The following SH3GL3 variants were observed in gnomAD, a reference collection of about 807,000 sequenced individuals.
SH3GL3 encodes endophilin-A3.
In SH3GL3, 33 loss-of-function variants were observed where a neutral mutation model predicts 47.7. The ratio of observed to expected loss-of-function variants is 0.69; its 90% CI spans 0.52 to 0.92. The LOEUF (loss-of-function observed/expected upper bound fraction) is 0.92. Among genes scored for constraint, SH3GL3 ranks in the 40% least tolerant of loss-of-function variants. The pLI is 0.00. For missense variants in SH3GL3, 363 were observed against 417.8 expected, an observed-to-expected ratio of 0.87 and a Z score of 1.14; for synonymous variants, 155 against 148.8, an observed-to-expected ratio of 1.04 and a Z score of -0.30.
downstream of SH3GL3, among the ~76,000 whole-genome samples, chr15:83,620,012 C>A (rs1004198713): frequency 1.3e-5 from 2 of 149,846 alleles, no homozygotes; most frequent in Non-Finnish European, 2.9e-5. Flanking sequence ...AGCATCTTCA[C>A]CAAGAGTAGA....
chr15:83,558,690 C>T (rs1309929694), intron 1 of SH3GL3, among the ~76,000 whole-genome samples: 4 of 152,118 alleles, frequency 2.6e-5, no homozygotes, highest in East Asian at 3.8e-4. Context: ...TTTTCCATGC[C>T]TCATCCCAGA....
intron 5 of SH3GL3, among the ~76,000 whole-genome samples, chr15:83,573,794 T>A (rs571823154): frequency 6.6e-6 from 1 of 152,356 alleles, no homozygotes; most frequent in South Asian, 2.1e-4. Context: ...GTGTATAGCC[T>A]GCTCTGCCCT....
chr15:83,470,301 T>C (rs2040772542), intron 1 of SH3GL3, among the ~76,000 whole-genome samples: 1 of 152,238 alleles, frequency 6.6e-6, no homozygotes, highest in African/African-American at 2.4e-5. Flanking sequence ...CTCAGCTCAC[T>C]GCAACCTCTG....
intron 8 of SH3GL3, among the ~76,000 whole-genome samples, chr15:83,591,280 T>G (rs1397283076): frequency 6.6e-6 from 1 of 152,218 alleles, no homozygotes; most frequent in African/African-American, 2.4e-5. Flanking sequence ...AGTGCTGGGA[T>G]TACAGGTGTT....
At chr15:83,450,270 A>G (rs1394584733) in intron 1 of SH3GL3, among the ~76,000 whole-genome samples, 3 of 152,204 alleles carry the variant, frequency 2.0e-5, no homozygotes, top group Non-Finnish European at 4.4e-5. Context: ...GGTATGTGAA[A>G]TATATCTCAA....
intron 1 of SH3GL3, among the ~76,000 whole-genome samples, chr15:83,459,935 GT>G (rs1402337985): frequency 5.3e-5 from 8 of 150,786 alleles, no homozygotes; most frequent in Admixed American, 6.6e-5. Context: ...TCCTGTGGCT[GT>G]TTCCCCCCCA....
At chr15:83,601,403 C>T (rs1596334044) in intron 8 of SH3GL3, among the ~76,000 whole-genome samples, 1 of 152,040 alleles carries the variant, frequency 6.6e-6, no homozygotes, top group South Asian at 2.1e-4. Flanking sequence ...GTTTTAATCA[C>T]GAAGGGATGC....
At chr15:83,623,526 C>T (rs936935251), downstream of SH3GL3, among the ~76,000 whole-genome samples, 5 of 152,254 alleles carry the variant, frequency 3.3e-5, no homozygotes, top group African/African-American at 1.2e-4. Context: ...AATGCTTTCT[C>T]AAGTCCCTGT....
chr15:83,531,394 C>T (rs2043664906), intron 1 of SH3GL3, among the ~76,000 whole-genome samples: 1 of 152,038 alleles, frequency 6.6e-6, no homozygotes, highest in Non-Finnish European at 1.5e-5. Flanking sequence ...TAGGAGTTAG[C>T]TATATGGAAA....
chr15:83,615,687 T>C (rs1162930473), intron 8 of SH3GL3, among the ~76,000 whole-genome samples: 1 of 151,950 alleles, frequency 6.6e-6, no homozygotes, highest in East Asian at 1.9e-4. Context: ...TGGGACAAAA[T>C]AGAAAAAATC....
intron 1 of SH3GL3, among the ~76,000 whole-genome samples, chr15:83,533,637 G>T (rs1450073302): frequency 6.6e-6 from 1 of 152,202 alleles, no homozygotes; most frequent in Non-Finnish European, 1.5e-5. Context: ...CCCAGCTAGG[G>T]TTGGCCTCGG....
chr15:83,512,186 C>G (rs1009480590), intron 1 of SH3GL3, among the ~76,000 whole-genome samples: 6 of 152,052 alleles, frequency 3.9e-5, no homozygotes, highest in Non-Finnish European at 8.8e-5. Context: ...TTTAATTCTT[C>G]TGGAACTCTT....
intron 2 of SH3GL3, among the ~76,000 whole-genome samples, chr15:83,561,482 T>C (rs751200593): frequency 1.3e-5 from 2 of 151,914 alleles, no homozygotes; most frequent in African/African-American, 2.4e-5. Context: ...TGGGAGAAAA[T>C]GAATAAATCA....
intron 3 of SH3GL3, 21 bp downstream of exon 3, chr15:83,565,227 T>A: frequency 7.2e-7 from 1 of 1,382,328 alleles, no homozygotes; most frequent in Non-Finnish European, 1.0e-6. Flanking sequence ...AATATTCTCT[T>A]GTTCATTTGC....
chr15:83,589,472 G>A (rs1471220121), intron 8 of SH3GL3, among the ~76,000 whole-genome samples: 1 of 152,100 alleles, frequency 6.6e-6, no homozygotes, highest in Non-Finnish European at 1.5e-5. Context: ...GACCTCCTGG[G>A]CTCAAGCAAT....
intron 1 of SH3GL3, among the ~76,000 whole-genome samples, chr15:83,459,638 C>T (rs991397097): frequency 2.0e-5 from 3 of 152,174 alleles, no homozygotes; most frequent in Non-Finnish European, 4.4e-5. Context: ...ATACTTTCAA[C>T]CTTCTTCTGA....
intron 1 of SH3GL3, among the ~76,000 whole-genome samples, chr15:83,538,113 C>T (rs2044001023): frequency 6.6e-6 from 1 of 151,902 alleles, no homozygotes; most frequent in Non-Finnish European, 1.5e-5. Context: ...TGTAATAGCC[C>T]CTGGGATTTT....
At chr15:83,632,485 A>G in the SH3GL3 span, among the ~76,000 whole-genome samples, 1 of 152,198 alleles carries the variant, frequency 6.6e-6, no homozygotes, top group Non-Finnish European at 1.5e-5. Context: ...ACACTGCTAT[A>G]AAGAACTGCC....
chr15:83,552,135 G>A (rs563136040), intron 1 of SH3GL3, among the ~76,000 whole-genome samples: 3 of 152,258 alleles, frequency 2.0e-5, no homozygotes, highest in Admixed American at 2.0e-4. Context: ...TTTCCAGTGG[G>A]CCTGTGAGAG....
Sources: gnomAD v4.1 joint callset for allele counts (sites outside exome capture counted in the v4.1 genomes callset) on GRCh38, gnomAD v4.1.1 for gene constraint, MANE v1.5 for transcripts, NCBI Gene and HGNC (gene_info 2026-07-23, HGNC 2026-07-21) for gene names.